ITIH2: variants seen among roughly 807,000 people sequenced by gnomAD.
ITIH2 encodes inter-alpha-trypsin inhibitor heavy chain H2.
In ITIH2, 103 loss-of-function variants were observed where a neutral mutation model predicts 104.4. The observed-to-expected ratio is 0.99, with a 90% confidence interval of 0.84 to 1.16. ITIH2 has a LOEUF of 1.16. Among genes scored for constraint, ITIH2 ranks in the 50% most tolerant of loss-of-function variants. The pLI, the probability that ITIH2 is intolerant of heterozygous loss-of-function variation, is 0.00. For missense variants in ITIH2, 1,108 were observed against 1,162.4 expected, an observed-to-expected ratio of 0.95 and a Z score of 0.68; for synonymous variants, 436 against 435.4, an observed-to-expected ratio of 1.00 and a Z score of -0.02.
Position 7,720,949 on chromosome 10 carries a change from A to G in ITIH2, c.724A>G (p.Lys242Glu), listed in dbSNP as rs1311036905. Residue 242 changes from lysine to glutamate, a missense_variant, in exon 7 of 21, where the codon AAA becomes GAA. Transcript: ENST00000358415. ...TTTCGATGGTGTTCCGGTCATTTCT[A>G]AAGGACAACAGAAGGTACCCTGAGC... ...GHFDGVPVIS[K>E]GQQKAHVSFK... 7 of 1,609,198 alleles carry G rather than the reference A, an allele frequency of 4.3e-6. No individual in the cohort carries two copies.
At chr10:7,725,055 C>A (rs192262845) in intron 9 of ITIH2, among the ~76,000 whole-genome samples, 2 of 151,834 alleles carry the variant, frequency 1.3e-5, no homozygotes, top group Admixed American at 6.6e-5. Flanking sequence ...AGAAAAAAAA[C>A]GGATGCCTAC....
chr10:7,703,431 C>T lies in ITIH2; in HGVS notation c.-4C>T. On this transcript the variant is annotated 5_prime_UTR_variant, in exon 1 of 21. Transcript: ENST00000358415. ...TGGGGAGCTTGGCAAAACTGTCCAGCAAAATGAAAAGACTCACGTGCTTTT... is the reference window on the plus strand; with the variant it reads ...TGGGGAGCTTGGCAAAACTGTCCAGTAAAATGAAAAGACTCACGTGCTTTT... The T allele has an allele frequency of 6.2e-7, 1 of 1,612,558 alleles. No homozygotes were observed. The highest frequency in any genetic ancestry group is 8.5e-7 in the Non-Finnish European group (1 of 1,178,574).
intron 9 of ITIH2, among the ~76,000 whole-genome samples, chr10:7,724,586 A>AAAAAAAAAAAAAAAAAAAAAC (rs1834935347): frequency 6.7e-6 from 1 of 149,300 alleles, no homozygotes; most frequent in African/African-American, 2.5e-5. Flanking sequence ...AAAAAAAAAA[A>AAAAAAAAAAAAAAAAAAAAAC]AGAAGAGGAA....
rs1356969570 is a variant in ITIH2, at chr10:7,727,003, C to T, written c.1038C>T (p.Phe346=). The stretch of plus-strand genomic sequence containing the variant: ...ATGACCTCAGAGCAGAAGACCATTT[C>T]TCTGTGATTGATTTCAACCAGAACA... The part of the protein sequence containing the change: ...ILDDLRAEDH[F]SVIDFNQNIR... The change falls in exon 10 of 21, where the codon TTC becomes TTT. Residue 346 remains phenylalanine, a synonymous_variant. Coordinates refer to ENST00000358415, the MANE Select transcript of ITIH2 (RefSeq NM_002216.3). The T allele has an allele frequency of 1.2e-6, 2 of 1,613,868 alleles. No individual in the cohort carries two copies. The highest frequency in any genetic ancestry group is 1.7e-5 in the Admixed American group (1 of 59,998).
intron 12 of ITIH2, among the ~76,000 whole-genome samples, chr10:7,731,362 G>A (rs773598754): frequency 5.3e-5 from 8 of 152,180 alleles, no homozygotes; most frequent in Non-Finnish European, 1.0e-4. Context: ...ATAATTACGA[G>A]CATTTTCCCT....
At position 7,729,390 on chromosome 10, in the gene ITIH2, G is replaced by A. The variant is rs572865064; in HGVS notation, c.1280-562G>A. ...CCTGTTTCTCAACCATTCAGTTCCT[G>A]TCCCTGGAATCAGTCACTGGTTACC... On this transcript the variant is annotated intron_variant, in intron 11 of 20. Coordinates refer to ENST00000358415, the MANE Select transcript of ITIH2 (RefSeq NM_002216.3). Among the ~76,000 whole-genome samples the A allele has an allele frequency of 7.2e-5, 11 of 151,874 alleles. No individual in the cohort carries two copies. In the South Asian group the frequency reaches 2.1e-3, roughly 29 times the overall value.
rs1358595186 is a variant in ITIH2 at position 7,738,761 on chromosome 10, A to G, written c.2095+3A>G. The G allele has an allele frequency of 6.2e-7, 1 of 1,605,746 alleles. No homozygotes were observed. Among genetic ancestry groups the G allele is most frequent in the Admixed American group, 1.7e-5 (1 of 59,176 alleles). On this transcript the variant is annotated splice_donor_region_variant and intron_variant, in intron 16 of 20. Coordinates refer to ENST00000358415, the MANE Select transcript of ITIH2 (RefSeq NM_002216.3). ...GCCACCCCCACATGTGATGAGAGGT[A>G]ACGCTTCTACACTGCTTGCACGTCC...
rs1835006759 is a variant in ITIH2, at chr10:7,731,929, T to C, written c.1580T>C (p.Ile527Thr). ...CATAACTACTTTGGAGGCTCAGAGA[T>C]TGTGGTGGCAGGAAAATTTGACCCT... ...NFHNYFGGSEIVVAGKFDPAK... is the reference protein window; with the variant it reads ...NFHNYFGGSETVVAGKFDPAK... Residue 527 changes from isoleucine (I) to threonine (T), a missense_variant, in exon 13 of 21, where the codon ATT becomes ACT. Ile to Thr is a moderately conservative substitution (Grantham distance 89, BLOSUM62 -1). Transcript: ENST00000358415. The C allele has an allele frequency of 3.1e-6, 5 of 1,613,920 alleles. No homozygotes were observed.
intron 14 of ITIH2, 73 bp downstream of exon 14, chr10:7,732,550 A>G: frequency 6.6e-7 from 1 of 1,521,760 alleles, no homozygotes; most frequent in Non-Finnish European, 9.0e-7. Flanking sequence ...ATGAAGTCAT[A>G]CACAAAAAGA....
intron 15 of ITIH2, 54 bp downstream of exon 15, chr10:7,735,145 G>T: frequency 2.7e-6 from 4 of 1,508,746 alleles, no homozygotes; most frequent in South Asian, 1.2e-5. Context: ...TGCCCCGGGG[G>T]TGGGCGAAGT....
At chr10:7,721,954 A>G (rs1834908295) in intron 8 of ITIH2, among the ~76,000 whole-genome samples, 177 bp downstream of exon 8, 1 of 152,158 alleles carries the variant, frequency 6.6e-6, no homozygotes, top group Admixed American at 6.5e-5. Context: ...TCTTTTATGT[A>G]TTAAAAACTA....
intron 6 of ITIH2, among the ~76,000 whole-genome samples, chr10:7,720,592 G>A (rs376949826): frequency 1.3e-5 from 2 of 152,058 alleles, no homozygotes; most frequent in Admixed American, 6.6e-5. Context: ...AAAAAGACTC[G>A]AATAGAATGA....
At chr10:7,747,409 C>T (rs562826494) in intron 20 of ITIH2, among the ~76,000 whole-genome samples, 50 of 152,182 alleles carry the variant, frequency 3.3e-4, no homozygotes, top group African/African-American at 1.1e-3. Context: ...AAATTGTAGT[C>T]GGAAGTATTG....
chr10:7,718,924 C>A (rs187959433), intron 6 of ITIH2, among the ~76,000 whole-genome samples: 2 of 152,324 alleles, frequency 1.3e-5, no homozygotes, highest in East Asian at 3.9e-4. Context: ...TCTGAACTCA[C>A]CTCTGCTGTC....
In ITIH2 at chr10:7,735,019, G is replaced by A. The variant is rs1256866577; in HGVS notation, c.1885G>A (p.Val629Met). The change falls in exon 15 of 21, where the codon GTG (valine) becomes ATG (methionine). Residue 629 changes from valine (V) to methionine (M), a missense_variant. Coordinates refer to ENST00000358415, the MANE Select transcript of ITIH2 (RefSeq NM_002216.3). Reference sequence around the variant, plus strand: ...CATTGTGACTCCGCTGACCTCGCTGGTGATCGAGAACGAGGCTGGGGATGA... The same window carrying A: ...CATTGTGACTCCGCTGACCTCGCTGATGATCGAGAACGAGGCTGGGGATGA... ...HHIVTPLTSL[V>M]IENEAGDERM... 6.2e-7 allele frequency: 1 copy of A among 1,613,600 alleles called. No individual in the cohort carries two copies. Among genetic ancestry groups the A allele is most frequent in the Admixed American group, 1.7e-5 (1 of 60,012 alleles).
Position 7,723,528 on chromosome 10 carries a change from C to A in ITIH2, c.945C>A (p.Ile315=). ...DPIPKNILFV[I]DVSGSMWGVK... ...TTCCCAAAAACATCCTCTTTGTCAT[C>A]GATGTGAGTGGCTCCATGTGGGGAG... The change falls in exon 9 of 21, where the codon ATC becomes ATA. Residue 315 remains isoleucine, a synonymous_variant. Coordinates refer to ENST00000358415, the MANE Select transcript of ITIH2 (RefSeq NM_002216.3). The A allele has an allele frequency of 6.2e-7, 1 of 1,613,840 alleles. No homozygotes were observed. Among genetic ancestry groups the A allele is most frequent in the East Asian group, 2.2e-5 (1 of 44,884 alleles).
intron 8 of ITIH2, 50 bp from the exon 9 acceptor site, chr10:7,723,401 C>T: frequency 8.2e-7 from 1 of 1,216,604 alleles, no homozygotes; most frequent in Non-Finnish European, 1.2e-6. Flanking sequence ...ATCTTCCTAC[C>T]TTCTAAACAC....
intron 4 of ITIH2, among the ~76,000 whole-genome samples, chr10:7,709,636 C>T (rs1178722920): frequency 6.6e-6 from 1 of 152,064 alleles, no homozygotes; most frequent in Non-Finnish European, 1.5e-5. Context: ...TCTATAACAC[C>T]GCTGACAAGT....
rs760057995 is a variant in ITIH2 at position 7,744,924 on chromosome 10, C to A, written c.2542C>A (p.Pro848Thr). ...NVDFLGIYIP[P>T]TNKFSPKAHG... Reference sequence around the variant, plus strand: ...TGACTTTCTGGGAATCTACATACCCCCTACAAACAAGTTCTCACCTAAAGC... The same window carrying A: ...TGACTTTCTGGGAATCTACATACCCACTACAAACAAGTTCTCACCTAAAGC... Residue 848 changes from proline (P) to threonine (T), a missense_variant, in exon 19 of 21, where the codon CCT (proline) becomes ACT (threonine). Transcript: ENST00000358415. 2.5e-6 allele frequency: 4 copies of A among 1,613,990 alleles called. No homozygotes were observed. The African/African-American group carries it at 5.3e-5, about 22-fold the overall frequency.
Sources: gnomAD v4.1 joint callset for allele counts (sites outside exome capture counted in the v4.1 genomes callset) on GRCh38, gnomAD v4.1.1 for gene constraint, MANE v1.5 for transcripts, NCBI Gene and HGNC (gene_info 2026-07-23, HGNC 2026-07-21) for gene names.